JAK1: variants seen among roughly 807,000 people sequenced by gnomAD.
JAK1 encodes the protein tyrosine-protein kinase JAK1.
Under a neutral mutation model 136.6 loss-of-function variants are expected in JAK1, and 16 were observed. That is an observed-to-expected ratio of 0.12 (90% CI 0.08 to 0.18). The LOEUF is 0.18. Among genes scored for constraint, JAK1 ranks in the 10% least tolerant of loss-of-function variants. The pLI is 1.00. For synonymous variants in JAK1, 492 were observed against 519.5 expected (o/e 0.95, Z 0.72); for missense variants, 859 against 1,450.1 (o/e 0.59, Z 6.62).
At chr1:65,059,490 T>C (rs1647698068) in intron 1 of JAK1, among the ~76,000 whole-genome samples, 1 of 152,256 alleles carries the variant, frequency 6.6e-6, no homozygotes, top group Non-Finnish European at 1.5e-5. Context: ...TATTTTTCAC[T>C]ATAGTTTATG....
At chr1:64,845,153 G>C (rs1655146520) in intron 15 of JAK1, among the ~76,000 whole-genome samples, 1 of 152,304 alleles carries the variant, frequency 6.6e-6, no homozygotes, top group South Asian at 2.1e-4. Flanking sequence ...TGAAACGCCT[G>C]AACAGCTGAC....
In JAK1 at chr1:64,833,557, T is replaced by G. The variant is rs1377758341; in HGVS notation, c.*1005A>C. The stretch of plus-strand genomic sequence containing the variant: ...GTCTAGTGGATCCTGAAGTCCATAG[T>G]GCCTCTAGCCGGGTCTTTCAAGTGT... On this transcript the variant is annotated 3_prime_UTR_variant, in exon 25 of 25. Coordinates refer to ENST00000342505, the MANE Select transcript of JAK1 (RefSeq NM_002227.4). 3.0e-5 allele frequency: 7 copies of G among 233,054 alleles called. No homozygotes were observed. Among genetic ancestry groups the G allele is most frequent in the African/African-American group, 1.3e-4 (6 of 45,474 alleles). The allele number at this position is 233,054 out of a possible 1,614,324, so 14.4% of individuals were successfully genotyped here.
intron 19 of JAK1, among the ~76,000 whole-genome samples, chr1:64,840,298 G>A (rs2100968765): frequency 6.6e-6 from 1 of 152,278 alleles, no homozygotes; most frequent in South Asian, 2.1e-4. Flanking sequence ...CTGGCCTCGG[G>A]GACGGTGGGG....
chr1:64,988,982 ATGTGTG>A (rs1244529592), intron 2 of JAK1, among the ~76,000 whole-genome samples: 6 of 128,574 alleles, frequency 4.7e-5, no homozygotes, highest in Admixed American at 4.3e-4. Flanking sequence ...ATATATGTAT[ATGTGTG>A]TGTGTGTGTG....
chr1:64,860,964 GTGTA>G lies in JAK1; in HGVS notation c.1177-706_1177-703del, dbSNP rs1345809240. On this transcript the variant is annotated intron_variant, in intron 8 of 24. Coordinates refer to ENST00000342505, the MANE Select transcript of JAK1 (RefSeq NM_002227.4). Reference sequence around the variant, plus strand: ...TGTGTGTGTGTGTGTGTGTGTGTGTGTGTATGTGTGTGTGTGTTGGGGGTGACGC... The same window carrying G: ...TGTGTGTGTGTGTGTGTGTGTGTGTGTGTGTGTGTGTGTTGGGGGTGACGC... Among the ~76,000 whole-genome samples, 8 of 132,718 alleles carry G rather than the reference GTGTA, an allele frequency of 6.0e-5. No individual in the cohort carries two copies. The East Asian group carries it at 1.7e-3, about 29-fold the overall frequency. The allele number at this position is 132,718 out of a possible 152,430, so 87.1% of individuals were successfully genotyped here.
intron 2 of JAK1, among the ~76,000 whole-genome samples, chr1:65,019,176 A>G (rs116444863): frequency 0.012 from 1,776 of 152,302 alleles, 34 homozygotes; most frequent in African/African-American, 0.041. Context: ...AAAGTATTTT[A>G]ATATTACATA....
intron 2 of JAK1, among the ~76,000 whole-genome samples, chr1:64,980,155 A>T (rs1009154302): frequency 6.6e-6 from 1 of 152,128 alleles, no homozygotes; most frequent in African/African-American, 2.4e-5. Context: ...TAAAACTCAG[A>T]AGTCAGATGA....
At chr1:64,885,752 CAA>C (rs1223124394) in intron 2 of JAK1, among the ~76,000 whole-genome samples, 3 of 126,230 alleles carry the variant, frequency 2.4e-5, no homozygotes, top group African/African-American at 3.0e-5. Context: ...GAGTCCGACT[CAA>C]AAAAAAAAAA....
Position 64,855,678 on chromosome 1 carries a change from C to T in JAK1, c.1479G>A (p.Lys493=), listed in dbSNP as rs1655884661. The change falls in exon 11 of 25, where the codon AAG becomes AAA. Residue 493 remains lysine (K), a synonymous_variant. Coordinates refer to ENST00000342505, the MANE Select transcript of JAK1 (RefSeq NM_002227.4). ...EKSEQVQGAQ[K]QFKNFQIEVQ... is the part of the protein sequence containing the mutation. Reference sequence around the variant, plus strand: ...CCTCGATCTGAAAGTTCTTGAACTGCTTCTGGGCACCCTGCACCTGCTATT... The same window carrying T: ...CCTCGATCTGAAAGTTCTTGAACTGTTTCTGGGCACCCTGCACCTGCTATT... 1 of 1,613,400 alleles carries T rather than the reference C, an allele frequency of 6.2e-7. No homozygotes were observed. Among genetic ancestry groups the T allele is most frequent in the Non-Finnish European group, 8.5e-7 (1 of 1,179,510 alleles).
intron 1 of JAK1, among the ~76,000 whole-genome samples, chr1:65,047,945 T>C (rs574948675): frequency 2.0e-5 from 3 of 152,234 alleles, no homozygotes; most frequent in East Asian, 3.9e-4. Context: ...GACAGTTCAA[T>C]AGAAAGTCCT....
At chr1:64,897,531 A>G (rs375251242) in intron 1 of JAK1, among the ~76,000 whole-genome samples, 7 of 134 alleles carry the variant, frequency 0.052, no homozygotes, top group South Asian at 0.17. Flanking sequence ...AGGGGGAGGG[A>G]GGAGGAGGAG....
intron 1 of JAK1, among the ~76,000 whole-genome samples, chr1:64,893,586 G>GT (rs974233558): frequency 7.5e-4 from 114 of 152,274 alleles, no homozygotes; most frequent in African/African-American, 2.3e-3. Flanking sequence ...CAGGGTTGTT[G>GT]TGATGATGAT....
chr1:64,870,022 C>T (rs1656979429), intron 5 of JAK1, among the ~76,000 whole-genome samples: 1 of 152,136 alleles, frequency 6.6e-6, no homozygotes, highest in Non-Finnish European at 1.5e-5. Flanking sequence ...AAATATACCC[C>T]CCCACTGATG....
intron 14 of JAK1, among the ~76,000 whole-genome samples, chr1:64,846,424 C>T (rs1655234965): frequency 6.6e-6 from 1 of 152,010 alleles, no homozygotes; most frequent in Non-Finnish European, 1.5e-5. Flanking sequence ...TCTTGGCCAG[C>T]GTTGACAAGA....
intron 2 of JAK1, among the ~76,000 whole-genome samples, chr1:65,035,082 A>AAATAAAT (rs1358474844): frequency 6.7e-6 from 1 of 149,094 alleles, no homozygotes; most frequent in Admixed American, 6.7e-5. Context: ...ATAAATAAAT[A>AAATAAAT]AATAAATAAT....
intron 10 of JAK1, among the ~76,000 whole-genome samples, chr1:64,856,101 G>A (rs1194246684): frequency 6.6e-6 from 1 of 152,172 alleles, no homozygotes; most frequent in East Asian, 1.9e-4. Flanking sequence ...TTATATATGA[G>A]GTAATAATTA....
In JAK1 at chr1:64,838,533, A is replaced by G. The variant is rs1654638779; in HGVS notation, c.2899T>C (p.Tyr967His). The G allele has an allele frequency of 6.2e-7, 1 of 1,613,638 alleles. No homozygotes were observed. Among genetic ancestry groups the G allele is most frequent in the Admixed American group, 1.7e-5 (1 of 60,006 alleles). ...ATTTTGTTCTTATTCTTTGGAAGATATTCCTTAAGGCTTCCCGAAGGCAGA... is the reference window on the plus strand; with the variant it reads ...ATTTTGTTCTTATTCTTTGGAAGATGTTCCTTAAGGCTTCCCGAAGGCAGA... The part of the protein sequence containing the change: ...EFLPSGSLKE[Y>H]LPKNKNKINL... The change falls in exon 21 of 25, where the codon TAT becomes CAT. Residue 967 changes from tyrosine to histidine, a missense_variant. By Grantham distance (83) the Tyr-to-His change is moderately conservative (BLOSUM62 2). This residue lies in a region of JAK1 where 409 missense variants were observed against 753.8 expected (regional missense o/e 0.54). Coordinates refer to ENST00000342505, the MANE Select transcript of JAK1 (RefSeq NM_002227.4).
chr1:64,897,799 G>A (rs1645046528), intron 1 of JAK1, among the ~76,000 whole-genome samples: 1 of 151,946 alleles, frequency 6.6e-6, no homozygotes, highest in African/African-American at 2.4e-5. Context: ...GTGAAGGTGT[G>A]CTACGTGGGG....
chr1:64,908,739 TACACAC>T (rs3050464), intron 1 of JAK1, among the ~76,000 whole-genome samples: 4 of 150,482 alleles, frequency 2.7e-5, no homozygotes, highest in South Asian at 2.1e-4. Context: ...ATGGCAAACA[TACACAC>T]ACACACACAC....
Sources: gnomAD v4.1 joint callset for allele counts (sites outside exome capture counted in the v4.1 genomes callset) on GRCh38, gnomAD v4.1.1 for gene constraint, gnomAD v4.1.1 regional missense constraint, MANE v1.5 for transcripts, NCBI Gene and HGNC (gene_info 2026-07-23, HGNC 2026-07-21) for gene names.